Variants in KCNJ3 observed in about 807,000 individuals in gnomAD.
The protein encoded by KCNJ3 is G protein-activated inward rectifier potassium channel 1.
KCNJ3 carries 4 observed loss-of-function variants against 39.2 expected under a neutral mutation model. That is an observed-to-expected ratio of 0.10 (90% confidence interval 0.05 to 0.23). KCNJ3 has a LOEUF of 0.23. Ranked by LOEUF, KCNJ3 falls within the 10% of genes least tolerant of loss-of-function variation. The probability of loss-of-function intolerance (pLI) is 1.00; values close to 1 mark genes in which losing one functional copy is unlikely to be tolerated. For missense variants in KCNJ3, 276 were observed against 634.9 expected, an observed-to-expected ratio of 0.43 and a Z score of 6.08; for synonymous variants, 230 against 237.4, an observed-to-expected ratio of 0.97 and a Z score of 0.29.
chr2:154,752,263 A>G (rs959136512), intron 2 of KCNJ3, among the ~76,000 whole-genome samples: 13 of 152,058 alleles, frequency 8.5e-5, no homozygotes, highest in Non-Finnish European at 1.6e-4. Context: ...TACAACAAAA[A>G]AAATAGTAGT....
In KCNJ3 at chr2:154,753,339, A is replaced by G. The variant is rs114198595; in HGVS notation, c.919+43520A>G. Reference sequence around the variant, plus strand: ...TAGAAGCAGCATGGCGTGTTGGCTTATTAAAATTTTGTTGATACTAACGTT... The same window carrying G: ...TAGAAGCAGCATGGCGTGTTGGCTTGTTAAAATTTTGTTGATACTAACGTT... On this transcript the variant is annotated intron_variant, in intron 2 of 2. Transcript: ENST00000295101. Among the ~76,000 whole-genome samples, 534 of 152,268 alleles carry G rather than the reference A, an allele frequency of 3.5e-3. 4 individuals carry two copies. Among genetic ancestry groups the G allele is most frequent in the African/African-American group, 0.012 (502 of 41,584 alleles).
At chr2:154,714,103 G>A (rs113288568) in intron 2 of KCNJ3, among the ~76,000 whole-genome samples, 2 of 151,972 alleles carry the variant, frequency 1.3e-5, no homozygotes, top group Admixed American at 6.6e-5. Flanking sequence ...ATTCTTTTCC[G>A]AAACTGTGTC....
intron 2 of KCNJ3, among the ~76,000 whole-genome samples, chr2:154,768,872 G>T (rs1686183000): frequency 6.6e-6 from 1 of 152,090 alleles, no homozygotes. Context: ...TTGAGCAGTG[G>T]TTTGTAGTTC....
intron 2 of KCNJ3, among the ~76,000 whole-genome samples, chr2:154,724,079 G>T (rs1685309324): frequency 6.6e-6 from 1 of 152,042 alleles, no homozygotes; most frequent in Non-Finnish European, 1.5e-5. Context: ...ATAAAGAAAA[G>T]AATGACTCTG....
In KCNJ3 at chr2:154,724,917, G is replaced by GTATATATA. The variant is rs59124944; in HGVS notation, c.919+15111_919+15118dup. On this transcript the variant is annotated intron_variant, in intron 2 of 2. Transcript: ENST00000295101. ...TGTATATATACAAGATACATATGAG[G>GTATATATA]TATATATATATATATATATACCTTT... 4.1e-3 allele frequency among the ~76,000 whole-genome samples: 476 copies of GTATATATA among 116,290 alleles called. 30 individuals carry two copies. Among genetic ancestry groups the GTATATATA allele is most frequent in the African/African-American group, 0.015 (428 of 28,210 alleles). The allele number at this position is 116,290 out of a possible 152,430, so 76.3% of individuals were successfully genotyped here.
At chr2:154,834,977 C>T (rs1255730206) in intron 2 of KCNJ3, among the ~76,000 whole-genome samples, 1 of 151,320 alleles carries the variant, frequency 6.6e-6, no homozygotes, top group Non-Finnish European at 1.5e-5. Flanking sequence ...CCAAATGTTG[C>T]TCACTCCTCC....
At chr2:154,775,763 A>G (rs1439842623) in intron 2 of KCNJ3, among the ~76,000 whole-genome samples, 1 of 152,170 alleles carries the variant, frequency 6.6e-6, no homozygotes, top group African/African-American at 2.4e-5. Flanking sequence ...ATTTGGGTAC[A>G]AGTAATTGCG....
At position 154,799,256 on chromosome 2, in the gene KCNJ3, C is replaced by T. The variant is rs1379110568; in HGVS notation, c.920-55471C>T. On this transcript the variant is annotated intron_variant, in intron 2 of 2. Coordinates refer to ENST00000295101, the MANE Select transcript of KCNJ3 (RefSeq NM_002239.4). ...AAATGATTCCTATGCCTCAGCCTCC[C>T]CGTAGCTGGGATAGCTGGGGTTATA... Among the ~76,000 whole-genome samples the T allele has an allele frequency of 5.9e-5, 9 of 152,218 alleles. No individual in the cohort carries two copies. In the East Asian group the frequency reaches 1.7e-3, roughly 29 times the overall value.
intron 2 of KCNJ3, among the ~76,000 whole-genome samples, chr2:154,817,032 G>A (rs1687093191): frequency 6.6e-6 from 1 of 151,878 alleles, no homozygotes; most frequent in Admixed American, 6.6e-5. Context: ...TCATATCTAT[G>A]GCAGTCCTCA....
intron 2 of KCNJ3, among the ~76,000 whole-genome samples, chr2:154,799,790 A>G (rs1686780181): frequency 6.6e-6 from 1 of 152,158 alleles, no homozygotes; most frequent in Non-Finnish European, 1.5e-5. Flanking sequence ...ACTTGTTGAT[A>G]TCCTAATACT....
chr2:154,736,973 A>T (rs1471147115), intron 2 of KCNJ3, among the ~76,000 whole-genome samples: 1 of 152,192 alleles, frequency 6.6e-6, no homozygotes, highest in Non-Finnish European at 1.5e-5. Context: ...TAGTGGCTAG[A>T]GTTTACAGGC....
chr2:154,811,042 G>A (rs1288642304), intron 2 of KCNJ3, among the ~76,000 whole-genome samples: 1 of 152,108 alleles, frequency 6.6e-6, no homozygotes, highest in Admixed American at 6.5e-5. Flanking sequence ...GTTCCTGTGT[G>A]GGATAAAGCT....
chr2:154,855,111 T>C lies in KCNJ3; in HGVS notation c.1304T>C (p.Met435Thr), dbSNP rs1286474543. The C allele has an allele frequency of 3.1e-6, 5 of 1,614,062 alleles. No individual in the cohort carries two copies. Among genetic ancestry groups the C allele is most frequent in the Non-Finnish European group, 4.2e-6 (5 of 1,179,976 alleles). ...EKAYSLGDLP[M>T]KLQRISSVPG... Reference sequence around the variant, plus strand: ...GCCTACAGCTTGGGAGACTTGCCCATGAAACTTCAACGAATAAGTTCAGTT... The same window carrying C: ...GCCTACAGCTTGGGAGACTTGCCCACGAAACTTCAACGAATAAGTTCAGTT... Residue 435 changes from methionine (M) to threonine (T), a missense_variant, in exon 3 of 3, where the codon ATG becomes ACG. Coordinates refer to ENST00000295101, the MANE Select transcript of KCNJ3 (RefSeq NM_002239.4).
At chr2:154,745,387 A>T (rs986812839) in intron 2 of KCNJ3, among the ~76,000 whole-genome samples, 1 of 151,984 alleles carries the variant, frequency 6.6e-6, no homozygotes, top group Admixed American at 6.6e-5. Flanking sequence ...TATTTCACAC[A>T]TTTTTAAATC....
chr2:154,791,704 C>G (rs994720625), intron 2 of KCNJ3, among the ~76,000 whole-genome samples: 1 of 151,846 alleles, frequency 6.6e-6, no homozygotes, highest in Non-Finnish European at 1.5e-5. Flanking sequence ...GACTAGAAAG[C>G]CTTTAGTATT....
At chr2:154,830,184 A>C (rs939302156) in intron 2 of KCNJ3, among the ~76,000 whole-genome samples, 2 of 152,214 alleles carry the variant, frequency 1.3e-5, no homozygotes, top group Non-Finnish European at 2.9e-5. Context: ...TAGTGTTTTA[A>C]ATTATGTTTC....
At chr2:154,741,803 A>G (rs540093047) in intron 2 of KCNJ3, among the ~76,000 whole-genome samples, 26 of 152,072 alleles carry the variant, frequency 1.7e-4, no homozygotes, top group African/African-American at 6.0e-4. Flanking sequence ...AAAAGAATAC[A>G]TACAATCATT....
chr2:154,852,049 C>T (rs1254096208), intron 2 of KCNJ3, among the ~76,000 whole-genome samples: 1 of 152,110 alleles, frequency 6.6e-6, no homozygotes, highest in Admixed American at 6.6e-5. Context: ...ACTTCATAAC[C>T]TGAATTTACT....
intron 2 of KCNJ3, among the ~76,000 whole-genome samples, chr2:154,802,266 CAT>C (rs2105217398): frequency 6.6e-6 from 1 of 151,800 alleles, no homozygotes; most frequent in East Asian, 1.9e-4. Context: ...TTTACAGTGA[CAT>C]AAAATGTGCT....
Sources: allele counts gnomAD v4.1 joint callset (sites outside exome capture counted in the v4.1 genomes callset), GRCh38; gene constraint gnomAD v4.1.1; transcripts MANE v1.5; gene names NCBI Gene and HGNC (gene_info 2026-07-23, HGNC 2026-07-21).